PBX1: variants seen among roughly 807,000 people sequenced by gnomAD.
PBX1 encodes the protein pre-B-cell leukemia transcription factor 1.
In PBX1, 6 loss-of-function variants were observed where a neutral mutation model predicts 53.4. The observed-to-expected ratio is 0.11, with a 90% CI of 0.06 to 0.22. PBX1 has a LOEUF of 0.22. Ranked by LOEUF, PBX1 falls within the 10% of genes least tolerant of loss-of-function variation. PBX1 has a pLI of 1.00. For synonymous variants in PBX1, 204 were observed against 212.3 expected, an observed-to-expected ratio of 0.96 and a Z score of 0.34; for missense variants, 251 against 551.4, an observed-to-expected ratio of 0.46 and a Z score of 5.46.
intron 4 of PBX1, among the ~76,000 whole-genome samples, chr1:164,802,757 T>C (rs948881575): frequency 6.9e-6 from 1 of 145,500 alleles, no homozygotes; most frequent in African/African-American, 2.4e-5. Flanking sequence ...ACTTAAAAAT[T>C]CCACACATTC....
At chr1:164,838,533 T>C (rs980620075) in intron 8 of PBX1, among the ~76,000 whole-genome samples, 6 of 152,204 alleles carry the variant, frequency 3.9e-5, no homozygotes, top group African/African-American at 1.4e-4. Flanking sequence ...TGCCTTTAGC[T>C]GTGAGCATCC....
chr1:164,614,864 C>T (rs1657164484), intron 2 of PBX1, among the ~76,000 whole-genome samples: 1 of 152,126 alleles, frequency 6.6e-6, no homozygotes, highest in Non-Finnish European at 1.5e-5. Flanking sequence ...GCCTCCACCT[C>T]CTGGGTTCAA....
At chr1:164,880,298 G>A (rs1438151580) in intron 2 of PBX1, among the ~76,000 whole-genome samples, 1 of 152,140 alleles carries the variant, frequency 6.6e-6, no homozygotes, top group Non-Finnish European at 1.5e-5. Flanking sequence ...CAGAAAATAT[G>A]CTCATGATGA....
intron 2 of PBX1, among the ~76,000 whole-genome samples, chr1:164,706,420 G>A (rs1441128796): frequency 6.6e-6 from 1 of 152,162 alleles, no homozygotes; most frequent in African/African-American, 2.4e-5. Flanking sequence ...GATATCCATT[G>A]TAATCCTCCT....
chr1:164,812,159 T>C lies in PBX1; in HGVS notation c.997+10T>C. On this transcript the variant is annotated intron_variant, in intron 6 of 8. Coordinates refer to ENST00000420696, the MANE Select transcript of PBX1 (RefSeq NM_002585.4). ...ACTCCCAACTCGGCTGGTTAGTTTT[T>C]TCTTTGATTGGGGGTGGGGGAAGGA... The C allele has an allele frequency of 1.2e-6, 2 of 1,605,238 alleles. No homozygotes were observed. Among genetic ancestry groups the C allele is most frequent in the East Asian group, 4.5e-5 (2 of 44,500 alleles).
intron 2 of PBX1, among the ~76,000 whole-genome samples, chr1:164,879,419 T>C (rs1672593311): frequency 1.3e-5 from 2 of 152,220 alleles, no homozygotes; most frequent in African/African-American, 4.8e-5. Flanking sequence ...GTTGGGGTTC[T>C]GGCCTTGGTA....
chr1:164,864,230 C>A (rs1308377078), intron 2 of PBX1, among the ~76,000 whole-genome samples: 1 of 152,052 alleles, frequency 6.6e-6, no homozygotes, highest in Non-Finnish European at 1.5e-5. Context: ...ATTATTAACC[C>A]CAGGACCTGT....
chr1:164,621,794 A>G (rs1245238058), intron 2 of PBX1, among the ~76,000 whole-genome samples: 3 of 152,152 alleles, frequency 2.0e-5, no homozygotes, highest in Non-Finnish European at 4.4e-5. Flanking sequence ...TGCACAGAGG[A>G]TGATTCCTGA....
At chr1:164,658,438 A>G (rs1231803971) in intron 2 of PBX1, among the ~76,000 whole-genome samples, 2 of 152,202 alleles carry the variant, frequency 1.3e-5, no homozygotes, top group Non-Finnish European at 2.9e-5. Context: ...AGTACAGATA[A>G]TTACTAGAGA....
At chr1:164,854,945 CTTTTT>C (rs539213655), downstream of PBX1, among the ~76,000 whole-genome samples, 6 of 116,358 alleles carry the variant, frequency 5.2e-5, no homozygotes, top group African/African-American at 1.7e-4. Context: ...CTCTCTCTCT[CTTTTT>C]TTTTTTTTTT....
intron 2 of PBX1, among the ~76,000 whole-genome samples, chr1:164,565,422 G>GACACACACACACACAC (rs36118857): frequency 1.4e-5 from 2 of 146,012 alleles, no homozygotes; most frequent in East Asian, 2.0e-4. Context: ...TGTGTTAAGG[G>GACACACACACACACAC]ACACACACAC....
chr1:164,677,317 C>T (rs1459992430), intron 2 of PBX1, among the ~76,000 whole-genome samples: 3 of 151,552 alleles, frequency 2.0e-5, no homozygotes, highest in Non-Finnish European at 4.4e-5. Flanking sequence ...TGGTCTCGAT[C>T]TCCTGACCTC....
intron 2 of PBX1, chr1:164,680,019 ATTTC>A (rs1661666434): frequency 6.6e-6 from 1 of 152,142 alleles, no homozygotes; most frequent in Non-Finnish European, 1.5e-5. Context: ...TTAATTAACA[ATTTC>A]TTCCTTCCTA....
At chr1:164,560,818 C>CA (rs1652986532) in intron 1 of PBX1, among the ~76,000 whole-genome samples, 2 of 152,004 alleles carry the variant, frequency 1.3e-5, no homozygotes, top group African/African-American at 4.8e-5. Context: ...GGTGGGGGGA[C>CA]AAAAATCAAG....
In PBX1 at chr1:164,762,004, C is replaced by T. The variant is rs116618419; in HGVS notation, c.266-30490C>T. Among the ~76,000 whole-genome samples the T allele has an allele frequency of 4.2e-3, 636 of 152,172 alleles. 5 individuals carry two copies. Among genetic ancestry groups the T allele is most frequent in the African/African-American group, 0.015 (619 of 41,526 alleles). On this transcript the variant is annotated intron_variant, in intron 2 of 8. Coordinates refer to ENST00000420696, the MANE Select transcript of PBX1 (RefSeq NM_002585.4). Reference sequence around the variant, plus strand: ...TTGATATTGTATTAGATTACATGGGCGCTCCAAGAAGATCAATATATATAT... The same window carrying T: ...TTGATATTGTATTAGATTACATGGGTGCTCCAAGAAGATCAATATATATAT...
intron 2 of PBX1, among the ~76,000 whole-genome samples, chr1:164,752,020 C>T (rs1666257029): frequency 1.3e-5 from 2 of 151,642 alleles, no homozygotes; most frequent in African/African-American, 4.9e-5. Context: ...GTCTCAAGCC[C>T]AAAAGATTTG....
intron 2 of PBX1, among the ~76,000 whole-genome samples, chr1:164,791,778 T>C (rs962139353): frequency 6.6e-6 from 1 of 152,166 alleles, no homozygotes; most frequent in African/African-American, 2.4e-5. Context: ...ATTTTTCTAG[T>C]TGAAATTTTT....
rs1471849384 is a variant in PBX1 at position 164,682,310 on chromosome 1, G to GT, written c.266-110183dup. 4 of 151,958 alleles carry GT rather than the reference G, an allele frequency of 2.6e-5. No individual in the cohort carries two copies. The South Asian group carries it at 8.3e-4, about 32-fold the overall frequency. The allele number at this position is 151,958 out of a possible 1,614,324, so 9.4% of individuals were successfully genotyped here. ...TGGAATCATCCACTTTTTTTTGCAG[G>GT]TATTTCGAAAAAAGCCTGGTTTTGG... is the stretch of plus-strand genomic sequence containing the variant. On this transcript the variant is annotated intron_variant, in intron 2 of 8. Transcript: ENST00000420696.
At chr1:164,655,117 A>ATT (rs1491034003) in intron 2 of PBX1, among the ~76,000 whole-genome samples, 2 of 91,310 alleles carry the variant, frequency 2.2e-5, no homozygotes, top group Non-Finnish European at 2.5e-5. Context: ...TTTTTTTTTT[A>ATT]TTTTTATTTT....
Sources: gnomAD v4.1 joint callset for allele counts (sites outside exome capture counted in the v4.1 genomes callset) on GRCh38, gnomAD v4.1.1 for gene constraint, MANE v1.5 for transcripts, NCBI Gene and HGNC (gene_info 2026-07-23, HGNC 2026-07-21) for gene names.